Variants in ARHGEF3 observed in about 807,000 individuals in gnomAD.
ARHGEF3 encodes Rho guanine nucleotide exchange factor 3.
Under a neutral mutation model 63.2 loss-of-function variants are expected in ARHGEF3, and 28 were observed. The ratio of observed to expected loss-of-function variants is 0.44; its 90% CI spans 0.33 to 0.61. ARHGEF3 has a LOEUF of 0.61. ARHGEF3 is among the 20% of genes least tolerant of loss of function. ARHGEF3 has a pLI of 0.03. For synonymous variants in ARHGEF3, 266 were observed against 254.2 expected (o/e 1.05, Z -0.44); for missense variants, 533 against 659.3 (o/e 0.81, Z 2.10).
At chr3:56,936,699 C>T (rs1698922852) in intron 3 of ARHGEF3, among the ~76,000 whole-genome samples, 1 of 152,128 alleles carries the variant, frequency 6.6e-6, no homozygotes, top group Non-Finnish European at 1.5e-5. Flanking sequence ...CAGATAAACC[C>T]AACTGTGAGA....
rs1560122507 is a variant in ARHGEF3, at chr3:57,002,438, ATATGCCAGGCACTGTTCTAAGCAC to A, written c.62+32626_62+32649del. 5.9e-3 allele frequency among the ~76,000 whole-genome samples: 374 copies of A among 63,916 alleles called. 21 individuals carry two copies. Among genetic ancestry groups the A allele is most frequent in the Non-Finnish European group, 0.012 (294 of 25,476 alleles). The allele number at this position is 63,916 out of a possible 152,430, so 41.9% of individuals were successfully genotyped here. ...TGTTCTAAGCACTATATATATATAT[ATATGCCAGGCACTGTTCTAAGCAC>A]TATATATATATATATGTTATATATA... On this transcript the variant is annotated intron_variant, in intron 2 of 12. Transcript: ENST00000338458.
intron 1 of ARHGEF3, among the ~76,000 whole-genome samples, chr3:56,796,390 T>C (rs2037370057): frequency 6.6e-6 from 1 of 152,190 alleles, no homozygotes; most frequent in Admixed American, 6.5e-5. Flanking sequence ...TTAATATAGA[T>C]AAGCAAAATG....
intron 1 of ARHGEF3, 81 bp from the exon 2 acceptor site, chr3:56,773,897 C>T: frequency 1.7e-6 from 2 of 1,164,764 alleles, no homozygotes; most frequent in South Asian, 1.4e-5. Context: ...AACTGTGTTC[C>T]ACTCCACAAG....
chr3:56,971,642 G>A (rs1460833705), intron 2 of ARHGEF3, among the ~76,000 whole-genome samples: 1 of 151,822 alleles, frequency 6.6e-6, no homozygotes, highest in African/African-American at 2.4e-5. Context: ...ATGAGGTCAG[G>A]AGATCGAGAC....
intron 4 of ARHGEF3, among the ~76,000 whole-genome samples, chr3:56,827,481 G>A (rs2038764554): frequency 6.6e-6 from 1 of 152,136 alleles, no homozygotes; most frequent in African/African-American, 2.4e-5. Context: ...TAAACCTCAT[G>A]TGTAATGGGG....
intron 2 of ARHGEF3, among the ~76,000 whole-genome samples, chr3:57,015,626 C>T (rs1702964744): frequency 7.6e-6 from 1 of 131,798 alleles, no homozygotes; most frequent in African/African-American, 2.8e-5. Flanking sequence ...TTTTTTAGTA[C>T]AAACGAAGTC....
At chr3:56,827,944 CAAAAAAAAAAA>C (rs11462683) in intron 4 of ARHGEF3, among the ~76,000 whole-genome samples, 4 of 33,818 alleles carry the variant, frequency 1.2e-4, no homozygotes, top group East Asian at 1.4e-3. Flanking sequence ...GATTCTGTCT[CAAAAAAAAAAA>C]AAAAAAAAAA....
chr3:57,034,546 C>A (rs898466971), intron 2 of ARHGEF3, among the ~76,000 whole-genome samples: 3 of 152,036 alleles, frequency 2.0e-5, no homozygotes, highest in African/African-American at 7.2e-5. Context: ...TTAGAAAAAT[C>A]CCATCATACT....
chr3:56,846,970 A>C (rs2039512940), intron 4 of ARHGEF3, among the ~76,000 whole-genome samples: 1 of 152,234 alleles, frequency 6.6e-6, no homozygotes, highest in Admixed American at 6.5e-5. Flanking sequence ...TGACACAAAC[A>C]ATCTTACTTG....
chr3:56,933,140 T>A (rs534637321), intron 3 of ARHGEF3, among the ~76,000 whole-genome samples: 1 of 152,184 alleles, frequency 6.6e-6, no homozygotes, highest in South Asian at 2.1e-4. Flanking sequence ...TGAATTACCA[T>A]CAGTCAACAC....
At chr3:56,964,206 T>G (rs1211200399) in intron 2 of ARHGEF3, among the ~76,000 whole-genome samples, 1 of 151,712 alleles carries the variant, frequency 6.6e-6, no homozygotes, top group Non-Finnish European at 1.5e-5. Flanking sequence ...ATGCAGAAAT[T>G]ACTGTACATG....
chr3:57,066,000 G>C (rs1449785230), intron 1 of ARHGEF3, among the ~76,000 whole-genome samples: 1 of 151,662 alleles, frequency 6.6e-6, no homozygotes, highest in Non-Finnish European at 1.5e-5. Context: ...AGGATCACTT[G>C]AGGCCAGGAG....
At chr3:56,775,306 C>T in intron 1 of ARHGEF3, 1 of 1,197,400 alleles carries the variant, frequency 8.4e-7, no homozygotes, top group African/African-American at 1.6e-5. Context: ...ATGCCCCTGC[C>T]AGTCTCAGAA....
At chr3:57,009,975 A>G (rs997960777) in intron 2 of ARHGEF3, among the ~76,000 whole-genome samples, 1 of 152,214 alleles carries the variant, frequency 6.6e-6, no homozygotes, top group Admixed American at 6.5e-5. Flanking sequence ...ATGAACTCAA[A>G]CAAAGTCACA....
At chr3:56,764,965 C>T (rs1440804915) in intron 2 of ARHGEF3, among the ~76,000 whole-genome samples, 4 of 152,136 alleles carry the variant, frequency 2.6e-5, no homozygotes, top group Non-Finnish European at 4.4e-5. Context: ...CCATCTTGCC[C>T]AGACTGGTCT....
intron 2 of ARHGEF3, among the ~76,000 whole-genome samples, chr3:56,764,196 T>G (rs1156811707): frequency 6.6e-6 from 1 of 152,172 alleles, no homozygotes; most frequent in East Asian, 1.9e-4. Flanking sequence ...AATATTTGGC[T>G]TAGGTGTAGA....
chr3:56,729,234 G>A lies in ARHGEF3; in HGVS notation c.*36C>T. Reference sequence around the variant, plus strand: ...TGGAATGCAAATACTGTACAGGTAAGATGCAGGCCTGCTTCCCGAAGTGCA... The same window carrying A: ...TGGAATGCAAATACTGTACAGGTAAAATGCAGGCCTGCTTCCCGAAGTGCA... On this transcript the variant is annotated 3_prime_UTR_variant, in exon 10 of 10. Transcript: ENST00000296315. The A allele has an allele frequency of 6.4e-7, 1 of 1,563,042 alleles. No individual in the cohort carries two copies. The highest frequency in any genetic ancestry group is 1.2e-5 in the South Asian group (1 of 83,502).
intron 3 of ARHGEF3, chr3:56,898,508 CAGTCTTCTTTCTTTAGTA>C: frequency 5.8e-6 from 1 of 171,442 alleles, no homozygotes; most frequent in South Asian, 1.0e-4. Flanking sequence ...AGCGCCTGGC[CAGTCTTCTTTCTTTAGTA>C]AGTCTTCTTT....
At chr3:56,889,437 A>G (rs1393481603) in intron 3 of ARHGEF3, among the ~76,000 whole-genome samples, 1 of 152,138 alleles carries the variant, frequency 6.6e-6, no homozygotes, top group Admixed American at 6.5e-5. Context: ...GTGGAGGGAA[A>G]CAGACGCTGG....
Sources: gnomAD v4.1 joint callset for allele counts (sites outside exome capture counted in the v4.1 genomes callset) on GRCh38, gnomAD v4.1.1 for gene constraint, MANE v1.5 for transcripts, NCBI Gene and HGNC (gene_info 2026-07-23, HGNC 2026-07-21) for gene names.